Variants in MRTFB observed in about 807,000 individuals in gnomAD.
MRTFB encodes the protein myocardin related transcription factor B, also known as myocardin-related transcription factor B.
A neutral mutation model predicts 104.2 loss-of-function variants in MRTFB; 29 were observed. The observed-to-expected ratio is 0.28, with a 90% CI of 0.21 to 0.38. MRTFB has a LOEUF of 0.38. Among genes scored for constraint, MRTFB ranks in the 10% least tolerant of loss-of-function variants. The pLI is 1.00. For missense variants in MRTFB, 1,270 were observed against 1,341.6 expected (o/e 0.95, Z 0.83); for synonymous variants, 535 against 519.5 (o/e 1.03, Z -0.41).
intron 8 of MRTFB, among the ~76,000 whole-genome samples, chr16:14,232,103 A>T (rs1330577555): frequency 6.6e-6 from 1 of 152,200 alleles, no homozygotes; most frequent in East Asian, 1.9e-4. Flanking sequence ...TCATGTGATT[A>T]ACACTTACTG....
chr16:14,214,784 C>T (rs1246955350), intron 6 of MRTFB: 2 of 152,284 alleles, frequency 1.3e-5, no homozygotes, highest in East Asian at 3.9e-4. Flanking sequence ...TAGAGAACTT[C>T]GAAGCATCAA....
intron 2 of MRTFB, among the ~76,000 whole-genome samples, chr16:14,120,548 C>T (rs540723531): frequency 4.6e-5 from 7 of 151,974 alleles, no homozygotes; most frequent in African/African-American, 7.3e-5. Context: ...ATAGTCTTAT[C>T]TTTTTCCCCA....
the MRTFB span, among the ~76,000 whole-genome samples, chr16:14,003,136 A>G: frequency 6.6e-6 from 1 of 151,984 alleles, no homozygotes; most frequent in African/African-American, 2.4e-5. Context: ...CTTTTCCCAC[A>G]TCACACGTGG....
intron 9 of MRTFB, among the ~76,000 whole-genome samples, chr16:14,239,923 T>C (rs916160935): frequency 1.3e-5 from 2 of 152,234 alleles, no homozygotes; most frequent in Non-Finnish European, 2.9e-5. Context: ...ACTAGGAGAT[T>C]GTATGTGTAA....
chr16:14,247,202 T>G lies in MRTFB; in HGVS notation c.1942T>G (p.Ser648Ala). 1 of 1,614,098 alleles carries G rather than the reference T, an allele frequency of 6.2e-7. No homozygotes were observed. The highest frequency in any genetic ancestry group is 8.5e-7 in the Non-Finnish European group (1 of 1,180,036). ...AGATGAGGCCTCACTCCCTGACTGCTCCAGCTCCAGGCAGCCCATCCCAGT... is the reference window on the plus strand; with the variant it reads ...AGATGAGGCCTCACTCCCTGACTGCGCCAGCTCCAGGCAGCCCATCCCAGT... Reference protein sequence around the residue: ...IKDEASLPDCSSSRQPIPVAS... With the variant: ...IKDEASLPDCASSRQPIPVAS... Residue 648 changes from serine to alanine, a missense_variant, in exon 12 of 17, where the codon TCC becomes GCC. Physicochemically the swap from Ser to Ala is moderately conservative, Grantham distance 99 (BLOSUM62 1). Around this residue, in one of 3 missense-constraint regions of MRTFB, gnomAD observed 1,144 missense variants for 1,131.5 expected, o/e 1.01. Transcript: ENST00000571589.
At chr16:14,247,977 C>T (rs2043097264) in intron 12 of MRTFB, 1 of 156,924 alleles carries the variant, frequency 6.4e-6, no homozygotes, top group Non-Finnish European at 1.4e-5. Context: ...GGCATTTAAA[C>T]CCAGGTGTTC....
chr16:14,211,487 G>A (rs960419917), intron 4 of MRTFB, among the ~76,000 whole-genome samples: 3 of 152,166 alleles, frequency 2.0e-5, no homozygotes, highest in Admixed American at 6.5e-5. Flanking sequence ...GCAGGTGACA[G>A]CCCAAGGAAT....
At chr16:14,226,851 G>A (rs115379114) in intron 8 of MRTFB, among the ~76,000 whole-genome samples, 196 of 151,984 alleles carry the variant, frequency 1.3e-3, no homozygotes, top group African/African-American at 4.1e-3. Context: ...GCATGGTGGC[G>A]TGCACCTATA....
the MRTFB span, among the ~76,000 whole-genome samples, chr16:14,030,654 AACCTC>A: frequency 3.7e-4 from 57 of 152,262 alleles, no homozygotes; most frequent in African/African-American, 1.3e-3. Context: ...GTGCTAGTTC[AACCTC>A]ACTTTACAGA....
the MRTFB span, among the ~76,000 whole-genome samples, chr16:14,049,083 G>A: frequency 6.6e-6 from 1 of 152,188 alleles, no homozygotes; most frequent in Admixed American, 6.5e-5. Flanking sequence ...GAGAGAGAGA[G>A]CAGGGGATAC....
intron 10 of MRTFB, among the ~76,000 whole-genome samples, chr16:14,243,917 TG>T (rs2042898023): frequency 6.8e-6 from 1 of 147,028 alleles, no homozygotes; most frequent in Non-Finnish European, 1.5e-5. Flanking sequence ...TGGAGTGCAG[TG>T]GTGCAATCTC....
intron 13 of MRTFB, among the ~76,000 whole-genome samples, chr16:14,250,527 TG>T (rs1455857243): frequency 2.0e-5 from 3 of 152,344 alleles, no homozygotes; most frequent in Non-Finnish European, 2.9e-5. Flanking sequence ...CAGTTTTACA[TG>T]GGGCCTTGCT....
At chr16:14,217,032 A>C (rs1288173817) in intron 6 of MRTFB, 94 bp from the exon 7 acceptor site, 2 of 1,288,666 alleles carry the variant, frequency 1.6e-6, no homozygotes, top group African/African-American at 3.0e-5. Context: ...AAATGTGTCT[A>C]AATCAGTTTA....
intron 2 of MRTFB, among the ~76,000 whole-genome samples, chr16:14,135,240 C>G (rs547785881): frequency 2.6e-5 from 4 of 152,302 alleles, no homozygotes; most frequent in Non-Finnish European, 1.5e-5. Flanking sequence ...CAGCCATCCT[C>G]ACCTCTTTAA....
rs148936000 is a variant in MRTFB at position 14,234,215 on chromosome 16, C to T, written c.763C>T (p.Arg255Trp). The T allele has an allele frequency of 2.2e-5, 35 of 1,614,072 alleles. No homozygotes were observed. The African/African-American group carries it at 2.4e-4, about 11-fold the overall frequency. Reference sequence around the variant, plus strand: ...TCCAACTGCAGATCAGCCTCCCCCACGGCCTGCAGCTCCTGTCCTCCCCAC... The same window carrying T: ...TCCAACTGCAGATCAGCCTCCCCCATGGCCTGCAGCTCCTGTCCTCCCCAC... ...TPPTADQPPPRPAAPVLPTNT... is the reference protein window; with the variant it reads ...TPPTADQPPPWPAAPVLPTNT... Residue 255 changes from arginine (R) to tryptophan (W), a missense_variant, in exon 9 of 17, where the codon CGG becomes TGG. Physicochemically the swap from Arg to Trp is moderately radical, Grantham distance 101. Around this residue, in one of 3 missense-constraint regions of MRTFB, gnomAD observed 1,144 missense variants for 1,131.5 expected, o/e 1.01. Transcript: ENST00000571589.
At chr16:14,252,101 TGGAGTGACTA>T in intron 14 of MRTFB, 78 bp downstream of exon 14, 4 of 1,472,006 alleles carry the variant, frequency 2.7e-6, no homozygotes, top group Non-Finnish European at 1.9e-6. Flanking sequence ...GCTTTGGGCT[TGGAGTGACTA>T]ATGTTAATGG....
At chr16:14,022,152 T>C in the MRTFB span, among the ~76,000 whole-genome samples, 4 of 152,200 alleles carry the variant, frequency 2.6e-5, no homozygotes, top group African/African-American at 9.6e-5. Flanking sequence ...TCTTTTGCCA[T>C]GTAACATCAC....
At chr16:14,023,608 C>CACAT in the MRTFB span, among the ~76,000 whole-genome samples, 5 of 70,160 alleles carry the variant, frequency 7.1e-5, no homozygotes, top group East Asian at 1.4e-3. Context: ...CACACACACA[C>CACAT]ACATACATAT....
intron 2 of MRTFB, among the ~76,000 whole-genome samples, chr16:14,118,789 A>G (rs1342880955): frequency 6.6e-6 from 1 of 151,986 alleles, no homozygotes; most frequent in African/African-American, 2.4e-5. Flanking sequence ...TTGTTTGTAT[A>G]TTATTAAAAC....
Sources: allele counts gnomAD v4.1 joint callset (sites outside exome capture counted in the v4.1 genomes callset), GRCh38; gene constraint gnomAD v4.1.1; regional missense constraint gnomAD v4.1.1; transcripts MANE v1.5; gene names NCBI Gene and HGNC (gene_info 2026-07-23, HGNC 2026-07-21).